The following TKTL1 variants were observed in gnomAD, a reference collection of about 807,000 sequenced individuals.
TKTL1 encodes the protein transketolase-like protein 1.
In TKTL1, 1 loss-of-function variant was observed where a neutral mutation model predicts 39.3. The observed-to-expected ratio is 0.03, with a 90% CI of 0.01 to 0.12. The LOEUF (loss-of-function observed/expected upper bound fraction) is 0.12, where lower values mean the gene tolerates loss of function less well. Ranked by LOEUF, TKTL1 falls within the 10% of genes least tolerant of loss-of-function variation. TKTL1 has a pLI of 1.00. For missense variants in TKTL1, 575 were observed against 509.6 expected (o/e 1.13, Z -1.24); for synonymous variants, 262 against 193.8 (o/e 1.35, Z -2.92).
At chrX:154,299,974 T>G (rs782618442) in intron 1 of TKTL1, among the ~76,000 whole-genome samples, 1 of 111,163 alleles carries the variant, frequency 9.0e-6, no homozygotes, top group African/African-American at 3.3e-5. Context: ...ATTTCTGGAT[T>G]GAATGGTAGA....
rs2067439059 is a variant in TKTL1, at chrX:154,320,359, G to A, written c.1030-398G>A. 2.3e-5 allele frequency: 4 copies of A among 172,600 alleles called. 1 individual carries two copies. Among genetic ancestry groups the A allele is most frequent in the South Asian group, 1.9e-4 (1 of 5,134 alleles). The allele number at this position is 172,600 out of a possible 1,213,427, so 14.2% of individuals were successfully genotyped here. ...GGCTGTGAAGATAAAAGGTGCTGGC[G>A]CACACCTGAATGGAAATAGAATGAT... On this transcript the variant is annotated intron_variant, in intron 7 of 12. Transcript: ENST00000369915.
chrX:154,310,597 T>TGCTA (rs1317310372), intron 3 of TKTL1, among the ~76,000 whole-genome samples: 1 of 112,468 alleles, frequency 8.9e-6, no homozygotes, highest in East Asian at 2.8e-4. Context: ...ACCTAAAAGT[T>TGCTA]GCTTTACAGC....
intron 10 of TKTL1, among the ~76,000 whole-genome samples, chrX:154,326,871 C>T (rs2067496905): frequency 8.9e-6 from 1 of 112,388 alleles, no homozygotes; most frequent in South Asian, 3.7e-4. Flanking sequence ...GATATGTGTG[C>T]ATGCGTGTAT....
At chrX:154,296,605 G>T (rs1406124263) in intron 1 of TKTL1, among the ~76,000 whole-genome samples, 1 of 111,851 alleles carries the variant, frequency 8.9e-6, no homozygotes, top group Non-Finnish European at 1.9e-5. Flanking sequence ...GTATGCAGTT[G>T]ATGGTTTTTG....
chrX:154,305,867 C>T (rs1396452883), intron 2 of TKTL1, among the ~76,000 whole-genome samples: 1 of 111,436 alleles, frequency 9.0e-6, no homozygotes, highest in African/African-American at 3.3e-5. Flanking sequence ...ATGGGCACTT[C>T]TCATGAGATT....
At chrX:154,329,428 A>C (rs782030039) in intron 12 of TKTL1, 88 bp from the exon 13 acceptor site, 1 of 929,005 alleles carries the variant, frequency 1.1e-6, no homozygotes, top group Non-Finnish European at 1.5e-6. Context: ...TCCCCTGGGA[A>C]GCTGCAGATT....
Position 154,312,658 on chromosome X carries a change from G to A in TKTL1, c.749G>A (p.Ser250Asn). Residue 250 changes from serine (S) to asparagine (N), a missense_variant, in exon 6 of 13, where the codon AGC becomes AAC. By Grantham distance (46) the Ser-to-Asn change is conservative. Transcript: ENST00000369915. ...RADAIIKLIE[S>N]QIQTSRNLDP... Reference sequence around the variant, plus strand: ...GATGCCATTATCAAATTAATTGAGAGCCAGATACAGACCAGCAGGAATCTT... The same window carrying A: ...GATGCCATTATCAAATTAATTGAGAACCAGATACAGACCAGCAGGAATCTT... 8.3e-7 allele frequency: 1 copy of A among 1,211,604 alleles called. No individual in the cohort carries two copies. The highest frequency in any genetic ancestry group is 1.1e-6 in the Non-Finnish European group (1 of 895,435).
rs782307483 is a variant in TKTL1 at position 154,310,887 on chromosome X, C to G, written c.402C>G (p.Val134=). 8.3e-7 allele frequency: 1 copy of G among 1,211,641 alleles called. No individual in the cohort carries two copies. Among genetic ancestry groups the G allele is most frequent in the Admixed American group, 2.2e-5 (1 of 46,044 alleles). Reference sequence around the variant, plus strand: ...ATGGCGAGTCCTCAGAAGGCTCTGTCTGGGAGGCAATGGCCTTTGCTTCCT... The same window carrying G: ...ATGGCGAGTCCTCAGAAGGCTCTGTGTGGGAGGCAATGGCCTTTGCTTCCT... ...MSDGESSEGS[V]WEAMAFASYY... Residue 134 remains valine (V), a synonymous_variant, in exon 4 of 13, where the codon GTC becomes GTG. Transcript: ENST00000369915.
At chrX:154,327,508 G>A (rs2067501944) in intron 10 of TKTL1, 83 bp from the exon 11 acceptor site, 1 of 818,466 alleles carries the variant, frequency 1.2e-6, no homozygotes, top group Non-Finnish European at 1.9e-6. Flanking sequence ...TTGGGGGATA[G>A]CGGCATAGCA....
intron 7 of TKTL1, among the ~76,000 whole-genome samples, chrX:154,320,067 C>T (rs1603354127): frequency 1.8e-5 from 2 of 112,323 alleles, no homozygotes; most frequent in Admixed American, 9.4e-5. Flanking sequence ...GCCCATGAGG[C>T]GACAGCAGTG....
chrX:154,320,658 TCAG>T, intron 7 of TKTL1, 96 bp from the exon 8 acceptor site: 1 of 883,178 alleles, frequency 1.1e-6, no homozygotes, highest in Non-Finnish European at 1.6e-6. Flanking sequence ...TCAGAGCAGT[TCAG>T]CAGGTGCAGA....
At chrX:154,325,567 G>C (rs1557171775) in intron 10 of TKTL1, 145 bp downstream of exon 10, 9 of 497,097 alleles carry the variant, frequency 1.8e-5, no homozygotes. Flanking sequence ...ACCTTTACCT[G>C]CTTTTCCTTG....
chrX:154,329,495 C>T (rs1190734248), intron 12 of TKTL1, 21 bp from the exon 13 acceptor site: 1 of 1,206,662 alleles, frequency 8.3e-7, no homozygotes, highest in African/African-American at 1.8e-5. Flanking sequence ...ACAAAAGGGC[C>T]TAACATCCTT....
intron 1 of TKTL1, 41 bp downstream of exon 1, chrX:154,296,034 G>A (rs368043576): frequency 1.9e-5 from 23 of 1,197,493 alleles, no homozygotes; most frequent in African/African-American, 5.2e-5. Context: ...GCAGGGCCAC[G>A]GGCCCGGTGG....
chrX:154,299,257 G>A (rs1360932447), intron 1 of TKTL1, among the ~76,000 whole-genome samples: 1 of 99,524 alleles, frequency 1.0e-5, no homozygotes, highest in African/African-American at 3.7e-5. Flanking sequence ...CCAGGTTCAA[G>A]CAATTCTCCT....
rs371851656 is a variant in TKTL1, at chrX:154,329,664, C to T, written c.1767C>T (p.Ala589=). The change falls in exon 13 of 13, where the codon GCC becomes GCT. Residue 589 remains alanine, a synonymous_variant. Coordinates refer to ENST00000369915, the MANE Select transcript of TKTL1 (RefSeq NM_012253.4). ...YGISARHIIV[A]VKCMLLN is the part of the protein sequence containing the mutation. ...TTAGTGCCAGACATATCATAGTGGC[C>T]GTGAAATGCATGTTGCTGAACTAAA... 4.0e-5 allele frequency: 48 copies of T among 1,209,023 alleles called. No individual in the cohort carries two copies. In the African/African-American group the frequency reaches 5.1e-4, roughly 13 times the overall value.
At chrX:154,297,904 G>GA (rs1462445700) in intron 1 of TKTL1, among the ~76,000 whole-genome samples, 1 of 111,302 alleles carries the variant, frequency 9.0e-6, no homozygotes, top group African/African-American at 3.3e-5. Context: ...ACCTTGTAGA[G>GA]AAAAAAAAAT....
chrX:154,300,168 A>G (rs1291175731), intron 1 of TKTL1, among the ~76,000 whole-genome samples: 1 of 111,169 alleles, frequency 9.0e-6, no homozygotes, highest in Non-Finnish European at 1.9e-5. Context: ...GGCACACGCC[A>G]CCACTGCCAG....
At chrX:154,314,935 C>G (rs1294995566) in intron 6 of TKTL1, among the ~76,000 whole-genome samples, 2 of 111,037 alleles carry the variant, frequency 1.8e-5, no homozygotes, top group Non-Finnish European at 3.8e-5. Context: ...GGGATGTTAA[C>G]TAAAAAGAGC....
Sources: gnomAD v4.1 joint callset for allele counts (sites outside exome capture counted in the v4.1 genomes callset) on GRCh38, gnomAD v4.1.1 for gene constraint, MANE v1.5 for transcripts, NCBI Gene and HGNC (gene_info 2026-07-23, HGNC 2026-07-21) for gene names.